CACNA1E: variants seen among roughly 807,000 people sequenced by gnomAD.
The protein encoded by CACNA1E is calcium voltage-gated channel subunit alpha1 E, also known as voltage-dependent R-type calcium channel subunit alpha-1E.
Under a neutral mutation model 259.2 loss-of-function variants are expected in CACNA1E, and 40 were observed. The ratio of observed to expected loss-of-function variants is 0.15; its 90% confidence interval spans 0.12 to 0.20. The LOEUF (loss-of-function observed/expected upper bound fraction) is 0.20. CACNA1E is among the 10% of genes least tolerant of loss of function. The pLI, the probability that CACNA1E is intolerant of heterozygous loss-of-function variation, is 1.00. For synonymous variants in CACNA1E, 1,104 were observed against 1,138.5 expected (o/e 0.97, Z 0.61); for missense variants, 1,874 against 3,040.1 (o/e 0.62, Z 9.02).
intron 7 of CACNA1E, among the ~76,000 whole-genome samples, chr1:181,694,954 A>T (rs1006292165): frequency 1.3e-5 from 2 of 152,328 alleles, no homozygotes; most frequent in African/African-American, 4.8e-5. Context: ...CACAGATAAC[A>T]TGATTATGTA....
chr1:181,799,503 G>C lies in CACNA1E; in HGVS notation c.*669G>C, dbSNP rs1342334026. The C allele has an allele frequency of 6.5e-6, 1 of 152,860 alleles. No individual in the cohort carries two copies. Among genetic ancestry groups the C allele is most frequent in the Admixed American group, 6.5e-5 (1 of 15,290 alleles). 9.5% of individuals were successfully genotyped at this position (152,860 alleles called of 1,614,324 possible). ...CATAGCCCGGCAGCCCCTACCATGA[G>C]GGAGACAGAGAAACAGAACTGGTGG... On this transcript the variant is annotated 3_prime_UTR_variant, in exon 48 of 48. Transcript: ENST00000367573.
At chr1:181,502,407 T>G (rs1665327425) in intron 1 of CACNA1E, among the ~76,000 whole-genome samples, 1 of 152,220 alleles carries the variant, frequency 6.6e-6, no homozygotes, top group Admixed American at 6.5e-5. Context: ...TGGGCTGGTC[T>G]CTTTTGGGCT....
At chr1:181,619,165 G>C (rs1008467680) in intron 6 of CACNA1E, among the ~76,000 whole-genome samples, 7 of 142,432 alleles carry the variant, frequency 4.9e-5, no homozygotes, top group African/African-American at 1.9e-4. Context: ...TGCATTAGAT[G>C]GTGATACAGT....
chr1:181,411,548 G>A (rs757610974), intron 1 of CACNA1E, among the ~76,000 whole-genome samples: 28 of 152,108 alleles, frequency 1.8e-4, no homozygotes, highest in Non-Finnish European at 1.9e-4. Flanking sequence ...TGTTTAACCC[G>A]GCTCCAGGGT....
chr1:181,459,644 C>G (rs1230267371), intron 2 of CACNA1E, among the ~76,000 whole-genome samples: 2 of 152,222 alleles, frequency 1.3e-5, no homozygotes, highest in African/African-American at 4.8e-5. Context: ...CTTGTGGCCT[C>G]AACTGTTTCT....
In CACNA1E at chr1:181,485,401, T is replaced by A. The variant is rs1482761107; in HGVS notation, c.266+1391T>A. Among the ~76,000 whole-genome samples, 2 of 152,132 alleles carry A rather than the reference T, an allele frequency of 1.3e-5. No individual in the cohort carries two copies. The highest frequency in any genetic ancestry group is 2.9e-5 in the Non-Finnish European group (2 of 68,002). ...AGCTCGGTGATTGGCTGGCGCGTGG[T>A]GCTTCTAGGCAGCACCCCCTCATTA... On this transcript the variant is annotated intron_variant, in intron 1 of 47. Coordinates refer to ENST00000367573, the MANE Select transcript of CACNA1E (RefSeq NM_001205293.3). This position sits in a 1 kb window ranked among gnomAD's most constrained non-coding sequence, Gnocchi z 4.2.
intron 7 of CACNA1E, among the ~76,000 whole-genome samples, chr1:181,683,763 T>G (rs1650230163): frequency 6.6e-6 from 1 of 152,220 alleles, no homozygotes; most frequent in African/African-American, 2.4e-5. Context: ...GCAAAGGACA[T>G]GATTTCATTC....
In CACNA1E at chr1:181,793,809, C is replaced by T; in HGVS notation, c.6027+16C>T. The T allele has an allele frequency of 3.7e-6, 6 of 1,610,002 alleles. No individual in the cohort carries two copies. The South Asian group carries it at 6.6e-5, about 18-fold the overall frequency. ...GGATCCCCAGGTAAAAAGCAACCACCTACATTAATGCAGTGGCATCCGGGC... is the reference window on the plus strand; with the variant it reads ...GGATCCCCAGGTAAAAAGCAACCACTTACATTAATGCAGTGGCATCCGGGC... On this transcript the variant is annotated intron_variant, in intron 45 of 47. Transcript: ENST00000367573.
At chr1:181,341,211 G>T (rs1293557082) in intron 1 of CACNA1E, among the ~76,000 whole-genome samples, 1 of 152,132 alleles carries the variant, frequency 6.6e-6, no homozygotes, top group African/African-American at 2.4e-5. Flanking sequence ...CCTTGGCCTT[G>T]CTGCTCTGGG....
intron 6 of CACNA1E, among the ~76,000 whole-genome samples, chr1:181,590,416 A>T (rs4652666): frequency 0.16 from 18,385 of 115,056 alleles, 1,798 homozygotes; most frequent in African/African-American, 0.29. Context: ...AAAAAAAAAA[A>T]ATATATATAT....
chr1:181,728,079 C>T (rs1362748223), intron 18 of CACNA1E, among the ~76,000 whole-genome samples: 2 of 152,178 alleles, frequency 1.3e-5, no homozygotes, highest in Non-Finnish European at 2.9e-5. Flanking sequence ...AGGGAATATT[C>T]CTCTCTGGAA....
chr1:181,578,716 T>C (rs1416124993), intron 4 of CACNA1E, among the ~76,000 whole-genome samples: 4 of 152,274 alleles, frequency 2.6e-5, no homozygotes, highest in Non-Finnish European at 5.9e-5. Context: ...CTTAAATCTT[T>C]ATTCAAATCT....
intron 2 of CACNA1E, among the ~76,000 whole-genome samples, chr1:181,439,590 G>A (rs547983917): frequency 4.6e-5 from 7 of 152,264 alleles, no homozygotes; most frequent in African/African-American, 1.7e-4. Context: ...GCAGTGATCT[G>A]TACTTATTTG....
At chr1:181,393,188 G>A (rs560618414) in intron 1 of CACNA1E, among the ~76,000 whole-genome samples, 13 of 152,242 alleles carry the variant, frequency 8.5e-5, no homozygotes, top group South Asian at 6.2e-4. Flanking sequence ...GAAGGCTGCC[G>A]GGGTTCAAAT....
At chr1:181,692,510 C>T (rs746576254) in intron 7 of CACNA1E, among the ~76,000 whole-genome samples, 1 of 152,116 alleles carries the variant, frequency 6.6e-6, no homozygotes, top group Non-Finnish European at 1.5e-5. Context: ...AAACCTACAG[C>T]CATCTGATCT....
intron 3 of CACNA1E, among the ~76,000 whole-genome samples, chr1:181,561,083 A>T (rs1485142464): frequency 1.3e-5 from 2 of 152,196 alleles, no homozygotes; most frequent in Non-Finnish European, 2.9e-5. Flanking sequence ...GGGGGCTAGC[A>T]GGAGGGGAGA....
intron 44 of CACNA1E, among the ~76,000 whole-genome samples, chr1:181,791,613 C>T (rs4282766): frequency 0.029 from 4,397 of 152,222 alleles, 115 homozygotes; most frequent in South Asian, 0.14. Context: ...TACCATTATT[C>T]CTAGTTCAGG....
chr1:181,632,375 G>T (rs1322688506), intron 6 of CACNA1E, among the ~76,000 whole-genome samples: 1 of 152,134 alleles, frequency 6.6e-6, no homozygotes, highest in Non-Finnish European at 1.5e-5. Flanking sequence ...GCTGCCACTG[G>T]CTCTCTGTGT....
At chr1:181,795,787 T>TATATATATATATATATATATATATATATA (rs1410248740) in intron 46 of CACNA1E, among the ~76,000 whole-genome samples, 53 of 143,718 alleles carry the variant, frequency 3.7e-4, no homozygotes, top group South Asian at 7.0e-4. Context: ...TATATATATA[T>TATATATATATATATATATATATATATATA]TAGTCTGGCT....
Sources: allele counts gnomAD v4.1 joint callset (sites outside exome capture counted in the v4.1 genomes callset), GRCh38; gene constraint gnomAD v4.1.1; non-coding constraint Gnocchi (gnomAD v3.1); transcripts MANE v1.5; gene names NCBI Gene and HGNC (gene_info 2026-07-23, HGNC 2026-07-21).